STON1: variants seen among roughly 807,000 people sequenced by gnomAD.
STON1 encodes stonin 1.
In STON1, 79 loss-of-function variants were observed where a neutral mutation model predicts 60.9. The ratio of observed to expected loss-of-function variants is 1.30; its 90% CI spans 1.08 to 1.56. The LOEUF (loss-of-function observed/expected upper bound fraction) is 1.56, where lower values mean the gene tolerates loss of function less well. Among genes scored for constraint, STON1 ranks in the 40% most tolerant of loss-of-function variants. The probability of loss-of-function intolerance (pLI) is 0.00; values close to 1 mark genes in which losing one functional copy is unlikely to be tolerated. For synonymous variants in STON1, 363 were observed against 306.9 expected (o/e 1.18, Z -1.91); for missense variants, 1,166 against 858.9 (o/e 1.36, Z -4.47).
At chr2:48,589,265 G>A (rs747155301) in intron 2 of STON1, among the ~76,000 whole-genome samples, 6 of 152,100 alleles carry the variant, frequency 3.9e-5, no homozygotes, top group Admixed American at 2.0e-4. Flanking sequence ...GTTCAGGAGG[G>A]ACTGGATATC....
In STON1 at chr2:48,580,691, T is replaced by G; in HGVS notation, c.58T>G (p.Ser20Ala). The change falls in exon 2 of 4, where the codon TCT becomes GCT. Residue 20 changes from serine (S) to alanine (A), a missense_variant. By Grantham distance (99) the Ser-to-Ala change is moderately conservative (BLOSUM62 1). Coordinates refer to ENST00000404752, the MANE Select transcript of STON1 (RefSeq NM_006873.4). ...VTFDDDPAVQ[S>A]SQKSKNFPLE... Reference sequence around the variant, plus strand: ...CTTTGATGATGATCCTGCTGTTCAATCTTCTCAAAAGTCAAAGAATTTTCC... The same window carrying G: ...CTTTGATGATGATCCTGCTGTTCAAGCTTCTCAAAAGTCAAAGAATTTTCC... 2 of 1,451,106 alleles carry G rather than the reference T, an allele frequency of 1.4e-6. No individual in the cohort carries two copies. Among genetic ancestry groups the G allele is most frequent in the Middle Eastern group, 1.9e-4 (1 of 5,392 alleles). The allele number at this position is 1,451,106 out of a possible 1,614,324, so 89.9% of individuals were successfully genotyped here. A position where few individuals can be genotyped will look rare whatever the true frequency, so the allele number is the denominator to read the frequency against.
In STON1 at chr2:48,580,847, A is replaced by C; in HGVS notation, c.214A>C (p.Ser72Arg). 1.9e-6 allele frequency: 3 copies of C among 1,545,618 alleles called. No individual in the cohort carries two copies. The highest frequency in any genetic ancestry group is 1.3e-5 in the South Asian group (1 of 77,470). The change falls in exon 2 of 4, where the codon AGT becomes CGT. Residue 72 changes from serine (S) to arginine (R), a missense_variant. Coordinates refer to ENST00000404752, the MANE Select transcript of STON1 (RefSeq NM_006873.4). ...LSSPIVDFYF[S>R]PGPPSNSPLS... ...CTCCCCCATTGTAGATTTTTATTTCAGTCCAGGACCTCCAAGTAACTCTCC... is the reference window on the plus strand; with the variant it reads ...CTCCCCCATTGTAGATTTTTATTTCCGTCCAGGACCTCCAAGTAACTCTCC...
chr2:48,593,989 G>T (rs534497409), intron 3 of STON1, among the ~76,000 whole-genome samples: 1 of 152,174 alleles, frequency 6.6e-6, no homozygotes, highest in Non-Finnish European at 1.5e-5. Flanking sequence ...ATGCAGGGGT[G>T]TATAGGCCCC....
At chr2:48,536,913 T>C (rs1334423112) in intron 1 of STON1, among the ~76,000 whole-genome samples, 1 of 152,228 alleles carries the variant, frequency 6.6e-6, no homozygotes. Context: ...CCTAGTATAT[T>C]CTCTAGTTTA....
intron 1 of STON1, among the ~76,000 whole-genome samples, chr2:48,545,740 C>T (rs992618199): frequency 1.3e-5 from 2 of 152,228 alleles, no homozygotes; most frequent in Non-Finnish European, 2.9e-5. Flanking sequence ...CTCAGTCCTT[C>T]CCAGCACTGA....
intron 2 of STON1, among the ~76,000 whole-genome samples, chr2:48,589,261 G>A (rs1674383824): frequency 6.6e-6 from 1 of 152,072 alleles, no homozygotes; most frequent in East Asian, 1.9e-4. Flanking sequence ...TTTGGTTCAG[G>A]AGGGACTGGA....
chr2:48,539,595 G>T (rs889394081), intron 1 of STON1, among the ~76,000 whole-genome samples: 9 of 151,948 alleles, frequency 5.9e-5, no homozygotes, highest in African/African-American at 2.2e-4. Flanking sequence ...TCTGCCTCCT[G>T]GGTTCAAGCG....
At chr2:48,560,653 G>A (rs1327110413) in intron 1 of STON1, among the ~76,000 whole-genome samples, 1 of 152,174 alleles carries the variant, frequency 6.6e-6, no homozygotes. Flanking sequence ...GTATGAAGAG[G>A]CAGCCGTTGC....
At position 48,537,994 on chromosome 2, in the gene STON1, C is replaced by T. The variant is rs190190421; in HGVS notation, c.-48+7778C>T. On this transcript the variant is annotated intron_variant, in intron 1 of 3. Coordinates refer to ENST00000404752, the MANE Select transcript of STON1 (RefSeq NM_006873.4). Reference sequence around the variant, plus strand: ...TTTTCGAGACAGAGTCTTCCTGTTTCCCAGGCTAGAGTGCGGTGGCATGAT... The same window carrying T: ...TTTTCGAGACAGAGTCTTCCTGTTTTCCAGGCTAGAGTGCGGTGGCATGAT... Among the ~76,000 whole-genome samples the T allele has an allele frequency of 6.8e-4, 103 of 150,832 alleles. No individual in the cohort carries two copies. In the East Asian group the frequency reaches 0.019, roughly 28 times the overall value.
chr2:48,530,270 C>T (rs1671148676), intron 1 of STON1, 54 bp downstream of exon 1: 1 of 341,976 alleles, frequency 2.9e-6, no homozygotes, highest in Non-Finnish European at 5.7e-6. Context: ...CCCCCCTCTC[C>T]AGGGTGGGGC....
At chr2:48,531,725 G>A (rs541415424) in intron 1 of STON1, 21 of 152,274 alleles carry the variant, frequency 1.4e-4, no homozygotes, top group African/African-American at 4.6e-4. Flanking sequence ...AACTGTGTGA[G>A]CATGGTTGCT....
At chr2:48,565,412 A>G (rs1672899076) in intron 1 of STON1, among the ~76,000 whole-genome samples, 1 of 151,356 alleles carries the variant, frequency 6.6e-6, no homozygotes, top group East Asian at 2.0e-4. Flanking sequence ...TGACCTCATT[A>G]CCTTCTAATG....
At chr2:48,577,682 C>G (rs1486076939) in intron 1 of STON1, among the ~76,000 whole-genome samples, 2 of 151,512 alleles carry the variant, frequency 1.3e-5, no homozygotes, top group South Asian at 4.2e-4. Flanking sequence ...GTGGCACAAT[C>G]TTGACTCACT....
At chr2:48,593,437 A>G (rs1002478408) in intron 3 of STON1, among the ~76,000 whole-genome samples, 1 of 152,194 alleles carries the variant, frequency 6.6e-6, no homozygotes, top group African/African-American at 2.4e-5. Flanking sequence ...TAACTAGAAA[A>G]TATTTCAAAA....
intron 1 of STON1, among the ~76,000 whole-genome samples, chr2:48,532,461 G>GT (rs1671254255): frequency 1.3e-5 from 2 of 148,468 alleles, no homozygotes; most frequent in African/African-American, 4.9e-5. Flanking sequence ...AACAACAAAA[G>GT]TAAGTCCATA....
rs117925201 is a variant in STON1, at chr2:48,531,424, T to A, written c.-48+1208T>A. The A allele has an allele frequency of 4.6e-3, 700 of 152,300 alleles. 10 individuals are homozygous for A. Among genetic ancestry groups the A allele is most frequent in the East Asian group, 0.041 (212 of 5,184 alleles). The allele number at this position is 152,300 out of a possible 1,614,324, so 9.4% of individuals were successfully genotyped here. The stretch of plus-strand genomic sequence containing the variant: ...GGCTATGGACTCCCCTGGACTCTGA[T>A]TGGGTGGAAGAATTGTTTAGTTCAT... On this transcript the variant is annotated intron_variant, in intron 1 of 3. Transcript: ENST00000404752.
intron 2 of STON1, among the ~76,000 whole-genome samples, chr2:48,588,642 C>T (rs1253357060): frequency 6.6e-6 from 1 of 152,196 alleles, no homozygotes; most frequent in Non-Finnish European, 1.5e-5. Flanking sequence ...AAGCTACCTA[C>T]CGCACCTGGC....
rs1558605464 is a variant in STON1 at position 48,564,549 on chromosome 2, CTTCTTCTT to C, written c.-47-16037_-47-16030del. Reference sequence around the variant, plus strand: ...TCTTCTTCTTCTTCTTCTTCTTCTTCTTCTTCTTCTTCTTCTTCTCCTTCTCCTTCTCC... The same window carrying C: ...TCTTCTTCTTCTTCTTCTTCTTCTTCCTTCTTCTTCTCCTTCTCCTTCTCC... On this transcript the variant is annotated intron_variant, in intron 1 of 3. Transcript: ENST00000404752. Among the ~76,000 whole-genome samples, 58 of 53,806 alleles carry C rather than the reference CTTCTTCTT, an allele frequency of 1.1e-3. 15 individuals carry two copies. The highest frequency in any genetic ancestry group is 3.5e-3 in the African/African-American group (50 of 14,404). The allele number at this position is 53,806 out of a possible 152,430, so 35.3% of individuals were successfully genotyped here. A position where few individuals can be genotyped will look rare whatever the true frequency, so the allele number is the denominator to read the frequency against.
intron 1 of STON1, among the ~76,000 whole-genome samples, chr2:48,532,437 CAAAAA>C (rs10570049): frequency 7.0e-6 from 1 of 142,488 alleles, no homozygotes; most frequent in African/African-American, 2.6e-5. Flanking sequence ...AAAGTAAGTC[CAAAAA>C]AAAAAAAAAA....
Sources: allele counts gnomAD v4.1 joint callset (sites outside exome capture counted in the v4.1 genomes callset), GRCh38; gene constraint gnomAD v4.1.1; transcripts MANE v1.5; gene names NCBI Gene and HGNC (gene_info 2026-07-23, HGNC 2026-07-21).